Variants in NPHP3 observed in about 807,000 individuals in gnomAD.
NPHP3 encodes the protein nephrocystin 3, also known as nephrocystin-3.
NPHP3 carries 123 observed loss-of-function variants against 171.9 expected under a neutral mutation model. The observed-to-expected ratio is 0.72, with a 90% CI of 0.62 to 0.83. The LOEUF is 0.83. NPHP3 is among the 40% of genes least tolerant of loss of function. The pLI, the probability that NPHP3 is intolerant of heterozygous loss-of-function variation, is 0.00. For missense variants in NPHP3, 1,506 were observed against 1,591.9 expected (o/e 0.95, Z 0.92); for synonymous variants, 558 against 579.2 (o/e 0.96, Z 0.52).
intron 22 of NPHP3, 99 bp from the exon 23 acceptor site, chr3:132,686,486 CATTT>C (rs773069997): frequency 5.9e-6 from 8 of 1,359,898 alleles, no homozygotes; most frequent in Non-Finnish European, 7.3e-6. Flanking sequence ...CCTTTTTTCC[CATTT>C]AATCTAGATA....
intron 24 of NPHP3, among the ~76,000 whole-genome samples, chr3:132,683,805 T>C (rs890779872): frequency 1.3e-5 from 2 of 152,210 alleles, no homozygotes; most frequent in African/African-American, 4.8e-5. Flanking sequence ...AGATTTACTA[T>C]TGCACATAAT....
At position 132,688,521 on chromosome 3, in the gene NPHP3, T is replaced by C. The variant is rs111430851; in HGVS notation, c.3125+129A>G. ...ATCTTATAGTTCTCATTTTCTCTGT[T>C]TACCACATGAAGACTAGGCACAGGG... On this transcript the variant is annotated intron_variant, in intron 21 of 26. Transcript: ENST00000337331. 3.5e-4 allele frequency: 345 copies of C among 982,018 alleles called. 1 individual carries two copies. The African/African-American group carries it at 3.9e-3, about 11-fold the overall frequency. 60.8% of individuals were successfully genotyped at this position (982,018 alleles called of 1,614,324 possible).
At chr3:132,695,986 A>G (rs1576668953) in intron 15 of NPHP3, among the ~76,000 whole-genome samples, 1 of 152,288 alleles carries the variant, frequency 6.6e-6, no homozygotes, top group East Asian at 1.9e-4. Flanking sequence ...GTTTCAGAAG[A>G]TTTTTTTATT....
At chr3:132,717,246 C>T (rs1354524204) in intron 3 of NPHP3, 16 of 242,014 alleles carry the variant, frequency 6.6e-5, no homozygotes, top group Non-Finnish European at 9.0e-5. Flanking sequence ...AGCTTAGACA[C>T]CAGTTAAAAT....
chr3:132,718,029 C>G (rs1478287028), intron 3 of NPHP3: 2 of 444,550 alleles, frequency 4.5e-6, no homozygotes, highest in Admixed American at 4.9e-5. Context: ...GCTGGTATTA[C>G]AGGCATAAGC....
intron 9 of NPHP3, 70 bp from the exon 10 acceptor site, chr3:132,701,603 G>T: frequency 3.1e-6 from 3 of 978,592 alleles, no homozygotes; most frequent in Admixed American, 3.7e-5. Context: ...GTCAACTTCT[G>T]ATTATTCTTT....
intron 7 of NPHP3, 81 bp from the exon 8 acceptor site, chr3:132,705,895 T>C: frequency 1.3e-6 from 1 of 757,882 alleles, no homozygotes; most frequent in Non-Finnish European, 2.4e-6. Context: ...ATACTGCTTA[T>C]GTGACAGGAA....
At chr3:132,712,368 T>G in intron 6 of NPHP3, 1 of 453,688 alleles carries the variant, frequency 2.2e-6, no homozygotes, top group South Asian at 1.6e-5. Flanking sequence ...GTTATCAACT[T>G]TTTCTGTAAA....
At chr3:132,705,195 T>C (rs1483333476) in intron 8 of NPHP3, among the ~76,000 whole-genome samples, 1 of 152,040 alleles carries the variant, frequency 6.6e-6, no homozygotes, top group Non-Finnish European at 1.5e-5. Flanking sequence ...AATTTAAAAT[T>C]TTTTTATATT....
Position 132,716,862 on chromosome 3 carries a change from C to T in NPHP3, c.718G>A (p.Glu240Lys). The T allele has an allele frequency of 6.2e-7, 1 of 1,614,130 alleles. No individual in the cohort carries two copies. The highest frequency in any genetic ancestry group is 1.3e-5 in the African/African-American group (1 of 75,050). The part of the protein sequence containing the change: ...EYWTGGALGS[E>K]PSIGSMIQLQ... The stretch of plus-strand genomic sequence containing the variant: ...TGGATCATGCTTCCTATGGAAGGTT[C>T]ACTTCCCAAGGCTCCGCCAGTCCAA... Residue 240 changes from glutamate (E) to lysine (K), a missense_variant, in exon 4 of 27, where the codon GAA (glutamate) becomes AAA (lysine). By Grantham distance (56) the Glu-to-Lys change is moderately conservative. Transcript: ENST00000337331.
intron 1 of NPHP3, among the ~76,000 whole-genome samples, chr3:132,720,691 T>C (rs949026281): frequency 6.6e-6 from 1 of 152,102 alleles, no homozygotes; most frequent in Non-Finnish European, 1.5e-5. Flanking sequence ...AAAACCTGAC[T>C]AGAAGAATGT....
chr3:132,691,275 T>C lies in NPHP3; in HGVS notation c.2487A>G (p.Thr829=). 6.2e-7 allele frequency: 1 copy of C among 1,612,406 alleles called. No homozygotes were observed. Among genetic ancestry groups the C allele is most frequent in the Non-Finnish European group, 8.5e-7 (1 of 1,178,550 alleles). The part of the protein sequence containing the change: ...LRFQHLQAWE[T]VRLEYLEGPT... ...GGCCTTCCAGGTACTCCAATCTCAC[T>C]GTTTCCCAAGCCTAGGGAGAAAAAG... The change falls in exon 18 of 27, where the codon ACA becomes ACG. Residue 829 remains threonine, a synonymous_variant. Coordinates refer to ENST00000337331, the MANE Select transcript of NPHP3 (RefSeq NM_153240.5).
At chr3:132,721,603 G>A (rs970119550) in intron 1 of NPHP3, 2 of 385,506 alleles carry the variant, frequency 5.2e-6, no homozygotes, top group African/African-American at 4.1e-5. Flanking sequence ...GACACTTTCC[G>A]GCTAATTTCT....
At chr3:132,709,292 T>G (rs1215836847) in intron 6 of NPHP3, among the ~76,000 whole-genome samples, 2 of 135,466 alleles carry the variant, frequency 1.5e-5, no homozygotes, top group African/African-American at 5.7e-5. Flanking sequence ...TTTTTTTTTT[T>G]TTTTTTTTGA....
rs1576672314 is a variant in NPHP3, at chr3:132,700,046, A to G, written c.1759T>C (p.Trp587Arg). The G allele has an allele frequency of 1.2e-6, 2 of 1,614,166 alleles. No individual in the cohort carries two copies. The highest frequency in any genetic ancestry group is 4.5e-5 in the East Asian group (2 of 44,876). The change falls in exon 12 of 27, where the codon TGG becomes CGG. Residue 587 changes from tryptophan (W) to arginine (R), a missense_variant. By Grantham distance (101) the Trp-to-Arg change is moderately radical (BLOSUM62 -3). Coordinates refer to ENST00000337331, the MANE Select transcript of NPHP3 (RefSeq NM_153240.5). The stretch of plus-strand genomic sequence containing the variant: ...TCCAGTGTCAGAGCAGAGACTGACC[A>G]AGAGTGCTGCATCAACTACAAGATA... ...RLTLKLMQHS[W>R]SVSALTLDPA...
At chr3:132,706,699 A>G (rs1324216909) in intron 7 of NPHP3, among the ~76,000 whole-genome samples, 3 of 152,220 alleles carry the variant, frequency 2.0e-5, no homozygotes, top group Non-Finnish European at 4.4e-5. Flanking sequence ...TTACATTTAT[A>G]ATCATGGCAG....
At chr3:132,721,854 T>C in intron 1 of NPHP3, 109 bp downstream of exon 1, 1 of 1,325,944 alleles carries the variant, frequency 7.5e-7, no homozygotes, top group Non-Finnish European at 1.1e-6. Context: ...CCTCTCAAAT[T>C]AAAATGGGCA....
At chr3:132,687,299 C>G in intron 21 of NPHP3, 73 bp from the exon 22 acceptor site, 3 of 716,888 alleles carry the variant, frequency 4.2e-6, no homozygotes, top group East Asian at 5.2e-5. Flanking sequence ...TGAAAGCACT[C>G]TTTTCATAGT....
chr3:132,689,474 C>A (rs1335357543), intron 19 of NPHP3, among the ~76,000 whole-genome samples: 1 of 152,150 alleles, frequency 6.6e-6, no homozygotes, highest in Admixed American at 6.5e-5. Context: ...TAGACCTCAT[C>A]ACCTTCATCT....
Sources: allele counts gnomAD v4.1 joint callset (sites outside exome capture counted in the v4.1 genomes callset), GRCh38; gene constraint gnomAD v4.1.1; transcripts MANE v1.5; gene names NCBI Gene and HGNC (gene_info 2026-07-23, HGNC 2026-07-21).